Variants in KIF5C observed in about 807,000 individuals in gnomAD.
KIF5C encodes the protein kinesin heavy chain isoform 5C.
In KIF5C, 18 loss-of-function variants were observed where a neutral mutation model predicts 125.2. The ratio of observed to expected loss-of-function variants is 0.14; its 90% confidence interval spans 0.10 to 0.21. The LOEUF (loss-of-function observed/expected upper bound fraction) is 0.21. KIF5C is among the 10% of genes least tolerant of loss of function. The pLI, the probability that KIF5C is intolerant of heterozygous loss-of-function variation, is 1.00. For missense variants in KIF5C, 780 were observed against 1,183.8 expected, an observed-to-expected ratio of 0.66 and a Z score of 5.01; for synonymous variants, 405 against 434.0, an observed-to-expected ratio of 0.93 and a Z score of 0.83.
chr2:148,935,781 T>A (rs1682278350), intron 3 of KIF5C, among the ~76,000 whole-genome samples: 2 of 152,238 alleles, frequency 1.3e-5, no homozygotes, highest in Admixed American at 6.5e-5. Flanking sequence ...GCACTTTATA[T>A]ATCCTATTTA....
intron 1 of KIF5C, among the ~76,000 whole-genome samples, chr2:148,908,052 G>A (rs1028400845): frequency 9.2e-5 from 14 of 152,210 alleles, no homozygotes; most frequent in Non-Finnish European, 1.6e-4. Context: ...GTTTTGGCTA[G>A]CCTGGATTTT....
intron 2 of KIF5C, among the ~76,000 whole-genome samples, chr2:148,925,490 T>C (rs1157402140): frequency 3.3e-5 from 5 of 152,224 alleles, no homozygotes; most frequent in Non-Finnish European, 7.3e-5. Context: ...CATAACAACT[T>C]TCTGAAGGGT....
At chr2:148,878,280 G>A (rs577825942) in intron 1 of KIF5C, 2 of 152,084 alleles carry the variant, frequency 1.3e-5, no homozygotes, top group African/African-American at 2.4e-5. Context: ...TCTCACTTCT[G>A]ATGCTATTAG....
rs1447021272 is a variant in KIF5C, at chr2:148,959,776, G to C, written c.969-2195G>C. Among the ~76,000 whole-genome samples the C allele has an allele frequency of 2.0e-5, 3 of 152,276 alleles. No individual in the cohort carries two copies. In the East Asian group the frequency reaches 5.8e-4, roughly 29 times the overall value. On this transcript the variant is annotated intron_variant, in intron 10 of 25. Transcript: ENST00000435030. ...GCTTCCAGTTATGTTACACCCGTGGGGAAGGAACACAGGCAGGCGATCAGA... is the reference window on the plus strand; with the variant it reads ...GCTTCCAGTTATGTTACACCCGTGGCGAAGGAACACAGGCAGGCGATCAGA...
intron 1 of KIF5C, among the ~76,000 whole-genome samples, chr2:148,915,709 A>C (rs550442065): frequency 6.6e-6 from 1 of 152,360 alleles, no homozygotes; most frequent in South Asian, 2.1e-4. Context: ...CCAGAAGCAG[A>C]CCCTGAGGCA....
chr2:148,973,732 TAGAC>T (rs1331707478), intron 12 of KIF5C, among the ~76,000 whole-genome samples: 5 of 152,220 alleles, frequency 3.3e-5, no homozygotes, highest in Non-Finnish European at 7.3e-5. Context: ...TTGGCCTAGA[TAGAC>T]AGGCGGGTGC....
intron 25 of KIF5C, among the ~76,000 whole-genome samples, chr2:149,012,320 G>T (rs1216381715): frequency 6.6e-6 from 1 of 152,226 alleles, no homozygotes; most frequent in African/African-American, 2.4e-5. Flanking sequence ...CTGTCATCCT[G>T]ATGGAAATGG....
intron 25 of KIF5C, 90 bp downstream of exon 25, chr2:149,011,773 G>C (rs1682208868): frequency 6.5e-7 from 1 of 1,548,446 alleles, no homozygotes; most frequent in Non-Finnish European, 8.8e-7. Flanking sequence ...ACCTTGAGTA[G>C]AGAGGAGTTC....
chr2:148,910,785 A>G (rs1259689545), intron 1 of KIF5C, among the ~76,000 whole-genome samples: 2 of 152,254 alleles, frequency 1.3e-5, no homozygotes, highest in Non-Finnish European at 2.9e-5. Context: ...GAAAAGACAG[A>G]CAAGTGGATC....
chr2:148,951,571 C>A (rs536949796), intron 10 of KIF5C, among the ~76,000 whole-genome samples: 1 of 152,120 alleles, frequency 6.6e-6, no homozygotes, highest in Non-Finnish European at 1.5e-5. Context: ...AGAGTGCTTG[C>A]GGTTCTGTGG....
intron 1 of KIF5C, among the ~76,000 whole-genome samples, chr2:148,899,806 C>T (rs759633177): frequency 5.1e-4 from 78 of 151,812 alleles, no homozygotes; most frequent in Non-Finnish European, 5.1e-4. Flanking sequence ...TCAGCCAAGT[C>T]ATGGGTATTT....
intron 1 of KIF5C, among the ~76,000 whole-genome samples, chr2:148,898,250 C>G (rs546391088): frequency 6.6e-6 from 1 of 152,124 alleles, no homozygotes; most frequent in African/African-American, 2.4e-5. Context: ...GCCAAAGTTG[C>G]CAGTTCCCTG....
intron 10 of KIF5C, among the ~76,000 whole-genome samples, chr2:148,952,658 A>G (rs1682693156): frequency 6.6e-6 from 1 of 152,112 alleles, no homozygotes; most frequent in Non-Finnish European, 1.5e-5. Context: ...CTATTGACCC[A>G]TTCTCTTGTT....
intron 1 of KIF5C, among the ~76,000 whole-genome samples, chr2:148,887,529 A>G (rs894022737): frequency 1.3e-5 from 2 of 152,210 alleles, no homozygotes; most frequent in Admixed American, 1.3e-4. Context: ...ATCGCTTCGT[A>G]TCAGTGCCCA....
intron 25 of KIF5C, among the ~76,000 whole-genome samples, chr2:149,015,173 G>A (rs188091140): frequency 6.6e-6 from 1 of 152,276 alleles, no homozygotes; most frequent in African/African-American, 2.4e-5. Context: ...AGGTGACAAA[G>A]TGAGAGCCTA....
intron 4 of KIF5C, among the ~76,000 whole-genome samples, chr2:148,938,127 A>G (rs550295931): frequency 1.3e-4 from 20 of 152,338 alleles, no homozygotes; most frequent in African/African-American, 4.8e-4. Flanking sequence ...TATTCATTGG[A>G]ACACCTCTTT....
intron 11 of KIF5C, 65 bp from the exon 12 acceptor site, chr2:148,973,271 C>T (rs755029410): frequency 5.9e-6 from 9 of 1,528,244 alleles, no homozygotes; most frequent in East Asian, 2.3e-5. Flanking sequence ...ATTTTTGGTA[C>T]TCTTCCTGGA....
At chr2:148,904,074 C>A (rs192753711) in intron 1 of KIF5C, among the ~76,000 whole-genome samples, 1 of 152,298 alleles carries the variant, frequency 6.6e-6, no homozygotes, top group African/African-American at 2.4e-5. Context: ...ACCTTCTTAG[C>A]ACACACCAGA....
In KIF5C at chr2:148,983,712, G is replaced by A. The variant is rs879303269; in HGVS notation, c.1662G>A (p.Leu554=). Residue 554 remains leucine (L), a synonymous_variant, in exon 15 of 26, where the codon CTG becomes CTA. Coordinates refer to ENST00000435030, the MANE Select transcript of KIF5C (RefSeq NM_004522.3). The part of the protein sequence containing the change: ...KKRATEILNL[L]LKDLGEIGGI... ...GGGCAACTGAGATCCTGAATTTGCT[G>A]TTGAAAGATCTGGGGGAGATAGGTG... The A allele has an allele frequency of 2.5e-6, 4 of 1,612,462 alleles. No individual in the cohort carries two copies. The highest frequency in any genetic ancestry group is 2.2e-5 in the East Asian group (1 of 44,870).
Sources: allele counts gnomAD v4.1 joint callset (sites outside exome capture counted in the v4.1 genomes callset), GRCh38; gene constraint gnomAD v4.1.1; transcripts MANE v1.5; gene names NCBI Gene and HGNC (gene_info 2026-07-23, HGNC 2026-07-21).